XRRA1: variants seen among roughly 807,000 people sequenced by gnomAD.
XRRA1 encodes the protein X-ray radiation resistance-associated protein 1.
In XRRA1, 69 loss-of-function variants were observed where a neutral mutation model predicts 80.2. The ratio of observed to expected loss-of-function variants is 0.86; its 90% CI spans 0.71 to 1.05. The LOEUF (loss-of-function observed/expected upper bound fraction) is 1.05. Ranked by LOEUF, XRRA1 falls within the 50% of genes least tolerant of loss-of-function variation. The pLI is 0.00. For missense variants in XRRA1, 967 were observed against 976.4 expected, an observed-to-expected ratio of 0.99 and a Z score of 0.13; for synonymous variants, 348 against 389.9, an observed-to-expected ratio of 0.89 and a Z score of 1.27.
In XRRA1 at chr11:74,848,277, G is replaced by T; in HGVS notation, c.1566C>A (p.Ser522=). 1.2e-6 allele frequency: 2 copies of T among 1,613,952 alleles called. No homozygotes were observed. The highest frequency in any genetic ancestry group is 2.2e-5 in the South Asian group (2 of 91,058). ...GTGGCACGAAGGTCCGGCAAGACGGGGAATGGCCTTCCAGGTTCTCAGTGG... is the reference window on the plus strand; with the variant it reads ...GTGGCACGAAGGTCCGGCAAGACGGTGAATGGCCTTCCAGGTTCTCAGTGG... ...EMPTENLEGH[S]PSCRTFVPLP... is the part of the protein sequence containing the mutation. Residue 522 remains serine (S), a synonymous_variant, in exon 15 of 19, where the codon TCC becomes TCA. Transcript: ENST00000684022.
At position 74,842,577 on chromosome 11, in the gene XRRA1, C is replaced by T. The variant is rs1272676481; in HGVS notation, c.*623G>A. 1.3e-5 allele frequency: 2 copies of T among 152,240 alleles called. No individual in the cohort carries two copies. The highest frequency in any genetic ancestry group is 2.9e-5 in the Non-Finnish European group (2 of 68,112). 9.4% of individuals were successfully genotyped at this position (152,240 alleles called of 1,614,324 possible). On this transcript the variant is annotated 3_prime_UTR_variant, in exon 19 of 19. Transcript: ENST00000684022. ...TCAGAATGGCAGTAGAGATTAGGAG[C>T]AGGGATGGGGTTTCCATGGTGTACA... is the stretch of plus-strand genomic sequence containing the variant.
intron 10 of XRRA1, among the ~76,000 whole-genome samples, chr11:74,896,303 A>C (rs1255985404): frequency 2.0e-5 from 3 of 152,202 alleles, no homozygotes; most frequent in Non-Finnish European, 4.4e-5. Flanking sequence ...ACTGCTCTGA[A>C]GGGTGAGTCC....
chr11:74,933,727 G>T, intron 5 of XRRA1, 74 bp downstream of exon 5: 1 of 1,426,308 alleles, frequency 7.0e-7, no homozygotes, highest in Non-Finnish European at 9.7e-7. Flanking sequence ...AGGTGCAAGA[G>T]ACAAACCACA....
rs746624606 is a variant in XRRA1 at position 74,848,403 on chromosome 11, C to T, written c.1440G>A (p.Met480Ile). 1.2e-6 allele frequency: 2 copies of T among 1,613,902 alleles called. No homozygotes were observed. Among genetic ancestry groups the T allele is most frequent in the East Asian group, 2.2e-5 (1 of 44,872 alleles). ...CCTTTGAGGGAGACTTGGTTGTCGT[C>T]ATGCGCGGGTGATGGAGCACCAGAG... is the stretch of plus-strand genomic sequence containing the variant. ...KQPLVLHHPR[M>I]TTTKSPSKDM... Residue 480 changes from methionine (M) to isoleucine (I), a missense_variant, in exon 15 of 19, where the codon ATG (methionine) becomes ATA (isoleucine). Transcript: ENST00000684022.
Position 74,935,828 on chromosome 11 carries a change from C to T in XRRA1, c.279+1056G>A, listed in dbSNP as rs140056146. 1.4e-3 allele frequency among the ~76,000 whole-genome samples: 212 copies of T among 152,046 alleles called. 1 individual carries two copies. The highest frequency in any genetic ancestry group is 4.3e-3 in the African/African-American group (179 of 41,464). On this transcript the variant is annotated intron_variant, in intron 4 of 18. Coordinates refer to ENST00000684022, the MANE Select transcript of XRRA1 (RefSeq NM_001378157.1). ...GCTCCTGTCTCCCACGGTGGCAAGACGGGTAACAAGCTGTATTTATTGAAT... is the reference window on the plus strand; with the variant it reads ...GCTCCTGTCTCCCACGGTGGCAAGATGGGTAACAAGCTGTATTTATTGAAT...
chr11:74,933,780 A>T (rs1274326489), intron 5 of XRRA1, 21 bp downstream of exon 5: 1 of 1,570,234 alleles, frequency 6.4e-7, no homozygotes. Context: ...CCCCAATCAC[A>T]TCTTTGCTGG....
chr11:74,878,793 T>G (rs2046726144), intron 10 of XRRA1, among the ~76,000 whole-genome samples: 1 of 151,682 alleles, frequency 6.6e-6, no homozygotes, highest in Non-Finnish European at 1.5e-5. Flanking sequence ...GCATTATTTC[T>G]GAGGGCTCTG....
At chr11:74,946,274 A>G (rs2061879687) in intron 1 of XRRA1, among the ~76,000 whole-genome samples, 1 of 152,114 alleles carries the variant, frequency 6.6e-6, no homozygotes, top group South Asian at 2.1e-4. Flanking sequence ...AGGCACTAAC[A>G]TGGTTAGGCT....
chr11:74,857,518 A>G (rs974326496), intron 12 of XRRA1, among the ~76,000 whole-genome samples: 33 of 152,232 alleles, frequency 2.2e-4, no homozygotes, highest in Non-Finnish European at 3.8e-4. Flanking sequence ...TAAATTCACA[A>G]CCACGTCTGG....
intron 10 of XRRA1, among the ~76,000 whole-genome samples, chr11:74,891,656 C>T (rs897287504): frequency 1.3e-5 from 2 of 152,194 alleles, no homozygotes; most frequent in Non-Finnish European, 1.5e-5. Context: ...TAGAAAACCC[C>T]ATTGTCTCAG....
chr11:74,893,173 C>G (rs2051251024), intron 10 of XRRA1, among the ~76,000 whole-genome samples: 1 of 152,142 alleles, frequency 6.6e-6, no homozygotes, highest in Non-Finnish European at 1.5e-5. Flanking sequence ...CCAACAATGA[C>G]AGACTGGATT....
chr11:74,866,654 T>TAAA (rs57326749), intron 10 of XRRA1, among the ~76,000 whole-genome samples: 27 of 135,416 alleles, frequency 2.0e-4, no homozygotes, highest in African/African-American at 4.8e-4. Flanking sequence ...TTGAAATAAT[T>TAAA]AAAAAAAAAA....
intron 10 of XRRA1, among the ~76,000 whole-genome samples, chr11:74,877,589 T>C (rs2046351753): frequency 6.6e-6 from 1 of 150,632 alleles, no homozygotes; most frequent in Non-Finnish European, 1.5e-5. Context: ...ATTAGGTATA[T>C]CTCCCGATGC....
In XRRA1 at chr11:74,842,110, T is replaced by G. The variant is rs895365035; in HGVS notation, c.*1090A>C. ...CCCCTCCTGCCTAGAAAATAGGTTG[T>G]GTATTGGTTTTATTCAACCTGCTGT... On this transcript the variant is annotated 3_prime_UTR_variant, in exon 19 of 19. Coordinates refer to ENST00000684022, the MANE Select transcript of XRRA1 (RefSeq NM_001378157.1). The G allele has an allele frequency of 1.3e-5, 2 of 152,136 alleles. No homozygotes were observed. Among genetic ancestry groups the G allele is most frequent in the African/African-American group, 2.4e-5 (1 of 41,422 alleles). The allele number at this position is 152,136 out of a possible 1,614,324, so 9.4% of individuals were successfully genotyped here. A position where few individuals can be genotyped will look rare whatever the true frequency, so the allele number is the denominator to read the frequency against.
At chr11:74,854,202 G>C (rs896991922) in intron 12 of XRRA1, among the ~76,000 whole-genome samples, 4 of 152,174 alleles carry the variant, frequency 2.6e-5, no homozygotes, top group Non-Finnish European at 4.4e-5. Context: ...TAGGCAGTTG[G>C]ATACACTGGT....
chr11:74,850,474 A>G (rs1042140905), intron 14 of XRRA1, among the ~76,000 whole-genome samples: 1 of 152,212 alleles, frequency 6.6e-6, no homozygotes, highest in African/African-American at 2.4e-5. Flanking sequence ...GTGGCAAGGA[A>G]ACATCTGTAT....
chr11:74,899,343 T>A (rs1451074023), intron 10 of XRRA1, among the ~76,000 whole-genome samples: 1 of 151,956 alleles, frequency 6.6e-6, no homozygotes, highest in Non-Finnish European at 1.5e-5. Context: ...ATGATGCATC[T>A]TAAAGAACTA....
intron 10 of XRRA1, among the ~76,000 whole-genome samples, chr11:74,886,251 A>G (rs1418236769): frequency 1.3e-5 from 2 of 152,282 alleles, no homozygotes; most frequent in East Asian, 3.9e-4. Flanking sequence ...GCCTCCACAT[A>G]GGAAGAGAGG....
intron 2 of XRRA1, 67 bp from the exon 3 acceptor site, chr11:74,940,949 C>T: frequency 2.5e-6 from 3 of 1,224,060 alleles, no homozygotes; most frequent in Non-Finnish European, 3.5e-6. Context: ...ACTCTTACTC[C>T]AGTGCAGCTC....
Sources: allele counts gnomAD v4.1 joint callset (sites outside exome capture counted in the v4.1 genomes callset), GRCh38; gene constraint gnomAD v4.1.1; transcripts MANE v1.5; gene names NCBI Gene and HGNC (gene_info 2026-07-23, HGNC 2026-07-21).